The following RAPGEF2 variants were observed in gnomAD, a reference collection of about 807,000 sequenced individuals.
The protein encoded by RAPGEF2 is Rap guanine nucleotide exchange factor 2, also known as PDZ domain containing guanine nucleotide exchange factor (GEF) 1.
RAPGEF2 carries 54 observed loss-of-function variants against 186.7 expected under a neutral mutation model. The ratio of observed to expected loss-of-function variants is 0.29; its 90% CI spans 0.23 to 0.36. The LOEUF is 0.36. Ranked by LOEUF, RAPGEF2 falls within the 10% of genes least tolerant of loss-of-function variation. The pLI, the probability that RAPGEF2 is intolerant of heterozygous loss-of-function variation, is 1.00. For missense variants in RAPGEF2, 1,532 were observed against 2,045.0 expected, an observed-to-expected ratio of 0.75 and a Z score of 4.84; for synonymous variants, 712 against 705.9, an observed-to-expected ratio of 1.01 and a Z score of -0.14.
At chr4:159,148,664 G>A (rs1229908736) in intron 1 of RAPGEF2, among the ~76,000 whole-genome samples, 1 of 151,958 alleles carries the variant, frequency 6.6e-6, no homozygotes, top group African/African-American at 2.4e-5. Context: ...CCACTCTTGG[G>A]ATTGAGTGTA....
intron 3 of RAPGEF2, among the ~76,000 whole-genome samples, chr4:159,206,829 A>G (rs1307874740): frequency 6.6e-6 from 1 of 152,256 alleles, no homozygotes; most frequent in African/African-American, 2.4e-5. Context: ...GGAACTAAAC[A>G]TGAATTCTAT....
chr4:159,110,606 T>A (rs1430887577), intron 1 of RAPGEF2, among the ~76,000 whole-genome samples: 1 of 152,142 alleles, frequency 6.6e-6, no homozygotes, highest in Non-Finnish European at 1.5e-5. Flanking sequence ...AACACCATCA[T>A]GTAGTTGTAC....
intron 4 of RAPGEF2, among the ~76,000 whole-genome samples, chr4:159,218,228 A>C (rs1751166101): frequency 6.6e-6 from 1 of 152,240 alleles, no homozygotes. Flanking sequence ...ATTGGCAAAA[A>C]TCACAGCTGG....
intron 1 of RAPGEF2, among the ~76,000 whole-genome samples, chr4:159,177,311 T>G (rs890531895): frequency 6.6e-6 from 1 of 152,132 alleles, no homozygotes; most frequent in Non-Finnish European, 1.5e-5. Flanking sequence ...ATTTTAAATT[T>G]TATATTCTTA....
chr4:159,106,856 G>A (rs1486668445), intron 1 of RAPGEF2, among the ~76,000 whole-genome samples: 3 of 152,180 alleles, frequency 2.0e-5, no homozygotes, highest in Non-Finnish European at 4.4e-5. Context: ...TTGGCTAGAA[G>A]AGAATCTAGG....
intron 1 of RAPGEF2, among the ~76,000 whole-genome samples, chr4:159,149,247 GT>G (rs1470774122): frequency 6.6e-6 from 1 of 152,032 alleles, no homozygotes; most frequent in Non-Finnish European, 1.5e-5. Context: ...TAAAGTTTTA[GT>G]TTTTTTGTTT....
chr4:159,235,522 G>T (rs1046073379), intron 4 of RAPGEF2, among the ~76,000 whole-genome samples: 3 of 152,120 alleles, frequency 2.0e-5, no homozygotes, highest in African/African-American at 7.2e-5. Context: ...CTGGTTTTCT[G>T]TTTCACTCTC....
chr4:159,210,518 C>T lies in RAPGEF2; in HGVS notation c.216C>T (p.Thr72=), dbSNP rs1441638474. The T allele has an allele frequency of 7.8e-6, 12 of 1,534,120 alleles. No homozygotes were observed. The Middle Eastern group carries it at 5.0e-4, about 64-fold the overall frequency. ...TTTTCAGCCCTGATGATATTGGGAC[C>T]TGCTGGTATATCCTTCTTTCTGGTT... ...EVLYYPDDIG[T]CWYILLSGSV... Residue 72 remains threonine, a synonymous_variant, in exon 4 of 30, where the codon ACC becomes ACT. Transcript: ENST00000691494.
At chr4:159,275,686 GA>G (rs1369011669) in intron 7 of RAPGEF2, among the ~76,000 whole-genome samples, 1 of 152,030 alleles carries the variant, frequency 6.6e-6, no homozygotes, top group African/African-American at 2.4e-5. Context: ...TAATAGAGTT[GA>G]AAATACAGAT....
At chr4:159,255,615 C>A (rs1444511367) in intron 7 of RAPGEF2, among the ~76,000 whole-genome samples, 1 of 152,058 alleles carries the variant, frequency 6.6e-6, no homozygotes, top group Non-Finnish European at 1.5e-5. Flanking sequence ...GGTGGGTCTC[C>A]CTTGGTGAAA....
At chr4:159,216,477 T>C (rs1488317679) in intron 4 of RAPGEF2, among the ~76,000 whole-genome samples, 1 of 152,034 alleles carries the variant, frequency 6.6e-6, no homozygotes, top group Non-Finnish European at 1.5e-5. Context: ...GTGGACATGA[T>C]AAAGAACATG....
chr4:159,322,562 T>G, intron 10 of RAPGEF2, 79 bp downstream of exon 10: 1 of 1,285,262 alleles, frequency 7.8e-7, no homozygotes, highest in Non-Finnish European at 1.1e-6. Flanking sequence ...ACCCCAATTC[T>G]TACTTTTTCC....
At chr4:159,247,828 A>G (rs968466556) in intron 7 of RAPGEF2, among the ~76,000 whole-genome samples, 2 of 140,098 alleles carry the variant, frequency 1.4e-5, no homozygotes, top group Non-Finnish European at 3.0e-5. Context: ...CAATGGTGCA[A>G]TCTGGCTCAC....
rs1732040787 is a variant in RAPGEF2 at position 159,356,553 on chromosome 4, T to C, written c.4957+395T>C. Among the ~76,000 whole-genome samples the C allele has an allele frequency of 2.0e-5, 3 of 152,208 alleles. No homozygotes were observed. The South Asian group carries it at 6.2e-4, about 32-fold the overall frequency. ...CTTAAAATACAGTGTTTATATGACT[T>C]GATTTCTTTTCTAATTCTCGTTAAA... On this transcript the variant is annotated intron_variant, in intron 29 of 29. Coordinates refer to ENST00000691494, the MANE Select transcript of RAPGEF2 (RefSeq NM_001394067.2).
chr4:159,293,967 A>G (rs1004387813), intron 7 of RAPGEF2, among the ~76,000 whole-genome samples: 5 of 152,178 alleles, frequency 3.3e-5, no homozygotes, highest in Admixed American at 6.5e-5. Flanking sequence ...TTTGAACTCA[A>G]TTGGCACTTA....
rs1312751209 is a variant in RAPGEF2, at chr4:159,103,177, T to G, written c.-986T>G. On this transcript the variant is annotated 5_prime_UTR_variant, in exon 1 of 30. Coordinates refer to ENST00000691494, the MANE Select transcript of RAPGEF2 (RefSeq NM_001394067.2). ...TCCCAAACACTCTCTCCGAGGGGGC[T>G]GTGCGCGGCTCTCGGCTTTCGGCCC... The G allele has an allele frequency of 1.3e-5, 2 of 151,758 alleles. No homozygotes were observed. Among genetic ancestry groups the G allele is most frequent in the Non-Finnish European group, 2.9e-5 (2 of 67,940 alleles). 9.4% of individuals were successfully genotyped at this position (151,758 alleles called of 1,614,324 possible).
intron 3 of RAPGEF2, among the ~76,000 whole-genome samples, chr4:159,200,046 A>ATCTCTCTC (rs141283472): frequency 0.011 from 1,719 of 151,328 alleles, 28 homozygotes; most frequent in African/African-American, 0.039. Context: ...ATTTGATGTA[A>ATCTCTCTC]TCTCTCTCTC....
chr4:159,252,819 A>AT (rs1156420629), intron 7 of RAPGEF2, among the ~76,000 whole-genome samples: 2 of 152,168 alleles, frequency 1.3e-5, no homozygotes, highest in Non-Finnish European at 2.9e-5. Context: ...TCTAAAAAAA[A>AT]TTTTTGGCTC....
chr4:159,332,012 C>T lies in RAPGEF2; in HGVS notation c.1866C>T (p.Ile622=), dbSNP rs751479469. The T allele has an allele frequency of 2.1e-5, 33 of 1,599,478 alleles. No individual in the cohort carries two copies. Among genetic ancestry groups the T allele is most frequent in the Non-Finnish European group, 3.4e-6 (4 of 1,174,098 alleles). The change falls in exon 16 of 30, where the codon ATC becomes ATT. Residue 622 remains isoleucine, a synonymous_variant. Transcript: ENST00000691494. Reference sequence around the variant, plus strand: ...TTAGAAATAACACACATTTATCTATCACTGTGAAAACCAATTTATTTGGTA... The same window carrying T: ...TTAGAAATAACACACATTTATCTATTACTGTGAAAACCAATTTATTTGGTA... ...EILRNNTHLS[I]TVKTNLFVFK...
Sources: gnomAD v4.1 joint callset for allele counts (sites outside exome capture counted in the v4.1 genomes callset) on GRCh38, gnomAD v4.1.1 for gene constraint, MANE v1.5 for transcripts, NCBI Gene and HGNC (gene_info 2026-07-23, HGNC 2026-07-21) for gene names.